Variants in KCNIP1 observed in about 807,000 individuals in gnomAD.
KCNIP1 encodes the protein potassium voltage-gated channel interacting protein 1, also known as A-type potassium channel modulatory protein KCNIP1.
A neutral mutation model predicts 33.0 loss-of-function variants in KCNIP1; 18 were observed. That is an observed-to-expected ratio of 0.55 (90% CI 0.38 to 0.81). The LOEUF is 0.81. Among genes scored for constraint, KCNIP1 ranks in the 30% least tolerant of loss-of-function variants. The pLI, the probability that KCNIP1 is intolerant of heterozygous loss-of-function variation, is 0.00. For missense variants in KCNIP1, 238 were observed against 271.6 expected, an observed-to-expected ratio of 0.88 and a Z score of 0.87; for synonymous variants, 93 against 98.3, an observed-to-expected ratio of 0.95 and a Z score of 0.32.
At chr5:170,493,103 C>T (rs1757241163) in intron 1 of KCNIP1, among the ~76,000 whole-genome samples, 1 of 152,210 alleles carries the variant, frequency 6.6e-6, no homozygotes, top group African/African-American at 2.4e-5. Flanking sequence ...AGGTGCAGGT[C>T]AAATCCCTTA....
At chr5:170,436,233 C>G (rs778792863) in intron 1 of KCNIP1, among the ~76,000 whole-genome samples, 4 of 152,180 alleles carry the variant, frequency 2.6e-5, no homozygotes, top group Admixed American at 1.3e-4. Context: ...GACAGGAGAG[C>G]CATTATGCAA....
intron 1 of KCNIP1, among the ~76,000 whole-genome samples, chr5:170,357,223 G>C (rs896979937): frequency 6.6e-6 from 1 of 152,108 alleles, no homozygotes; most frequent in African/African-American, 2.4e-5. Flanking sequence ...CTGTGGCTCG[G>C]AAGCCTCGGA....
At chr5:170,673,016 G>C (rs541863617) in intron 1 of KCNIP1, among the ~76,000 whole-genome samples, 35 of 152,184 alleles carry the variant, frequency 2.3e-4, no homozygotes, top group Non-Finnish European at 5.1e-4. Flanking sequence ...GATCATCCTG[G>C]ACTATCTATT....
chr5:170,452,188 A>G (rs1756271785), intron 1 of KCNIP1, among the ~76,000 whole-genome samples: 2 of 152,206 alleles, frequency 1.3e-5, no homozygotes, highest in African/African-American at 4.8e-5. Flanking sequence ...TGGTGCTTGC[A>G]TCACCTCTGA....
intron 1 of KCNIP1, among the ~76,000 whole-genome samples, chr5:170,628,017 T>C (rs1312198181): frequency 6.6e-6 from 1 of 152,198 alleles, no homozygotes; most frequent in Non-Finnish European, 1.5e-5. Context: ...ACTGGGAGCC[T>C]GGACCCCTCT....
intron 1 of KCNIP1, among the ~76,000 whole-genome samples, chr5:170,617,389 G>A (rs1169349394): frequency 6.6e-6 from 1 of 151,746 alleles, no homozygotes; most frequent in Non-Finnish European, 1.5e-5. Flanking sequence ...CCACTGTCAG[G>A]TTTTGACCCC....
At chr5:170,622,144 T>C (rs760925423) in intron 1 of KCNIP1, among the ~76,000 whole-genome samples, 20 of 152,218 alleles carry the variant, frequency 1.3e-4, no homozygotes, top group Admixed American at 2.6e-4. Flanking sequence ...GTGTTCTCAA[T>C]CAAGATTCCG....
chr5:170,584,808 T>A lies in KCNIP1; in HGVS notation c.61+80175T>A, dbSNP rs188380581. 2.2e-4 allele frequency among the ~76,000 whole-genome samples: 33 copies of A among 152,246 alleles called. No individual in the cohort carries two copies. In the East Asian group the frequency reaches 3.3e-3, roughly 15 times the overall value. On this transcript the variant is annotated intron_variant, in intron 1 of 7. Coordinates refer to ENST00000328939, the MANE Select transcript of KCNIP1 (RefSeq NM_014592.4). ...GTGGCAATAGAGGAATCCGTGTGCT[T>A]TATTTCTCCTGCTCCACATTCCTCC...
Position 170,458,300 on chromosome 5 carries a change from C to T in KCNIP1, c.88+104336C>T, listed in dbSNP as rs114578338. On this transcript the variant is annotated intron_variant, in intron 1 of 7. Transcript: ENST00000377360. ...GGGGGAATAATCAAGGAAAACTCCCCCAGCCTTGCTAGAGCCCTAGACATC... is the reference window on the plus strand; with the variant it reads ...GGGGGAATAATCAAGGAAAACTCCCTCAGCCTTGCTAGAGCCCTAGACATC... Among the ~76,000 whole-genome samples the T allele has an allele frequency of 9.0e-4, 137 of 152,282 alleles. 1 individual carries two copies. The highest frequency in any genetic ancestry group is 3.1e-3 in the African/African-American group (130 of 41,556).
Position 170,446,807 on chromosome 5 carries a change from T to C in KCNIP1, c.88+92843T>C, listed in dbSNP as rs117024012. 7.6e-4 allele frequency among the ~76,000 whole-genome samples: 116 copies of C among 152,144 alleles called. 3 individuals carry two copies. The East Asian group carries it at 0.019, about 25-fold the overall frequency. ...AGGCAGGACCTGCCACATGTCCAAA[T>C]CTCCATCTGTCCCCAGCACTCTACT... On this transcript the variant is annotated intron_variant, in intron 1 of 7. Transcript: ENST00000377360.
At chr5:170,512,745 G>A (rs2113271656) in intron 1 of KCNIP1, among the ~76,000 whole-genome samples, 1 of 152,290 alleles carries the variant, frequency 6.6e-6, no homozygotes, top group South Asian at 2.1e-4. Context: ...TCAGTTGGGA[G>A]CTTGTTAGAA....
Position 170,474,743 on chromosome 5 carries a change from T to C in KCNIP1, c.88+120779T>C, listed in dbSNP as rs144710355. ...AATGCTGCGAGTGGAACCCAGGTGTTGTGTCCGTGGGTCTGTGGTCTCGCT... is the reference window on the plus strand; with the variant it reads ...AATGCTGCGAGTGGAACCCAGGTGTCGTGTCCGTGGGTCTGTGGTCTCGCT... On this transcript the variant is annotated intron_variant, in intron 1 of 7. Transcript: ENST00000377360. Among the ~76,000 whole-genome samples, 683 of 152,286 alleles carry C rather than the reference T, an allele frequency of 4.5e-3. 3 individuals carry two copies. Among genetic ancestry groups the C allele is most frequent in the Middle Eastern group, 0.014 (4 of 294 alleles).
chr5:170,642,268 C>G (rs1054232828), intron 1 of KCNIP1: 1 of 152,578 alleles, frequency 6.6e-6, no homozygotes, highest in Non-Finnish European at 1.5e-5. Flanking sequence ...CCTGCCTCCT[C>G]AGTGCTGCAT....
intron 1 of KCNIP1, among the ~76,000 whole-genome samples, chr5:170,633,088 C>T (rs1581423303): frequency 6.6e-6 from 1 of 152,060 alleles, no homozygotes; most frequent in South Asian, 2.1e-4. Flanking sequence ...AGGGGGAGAG[C>T]AGAGGGAAGG....
At chr5:170,421,207 G>A (rs1755481922) in intron 1 of KCNIP1, among the ~76,000 whole-genome samples, 1 of 152,130 alleles carries the variant, frequency 6.6e-6, no homozygotes, top group Non-Finnish European at 1.5e-5. Flanking sequence ...GCAAACCTTG[G>A]CCGTGGTGCA....
intron 1 of KCNIP1, among the ~76,000 whole-genome samples, chr5:170,608,525 A>C (rs1429444294): frequency 6.6e-6 from 1 of 152,224 alleles, no homozygotes; most frequent in Non-Finnish European, 1.5e-5. Flanking sequence ...TAATCCCAGC[A>C]CTTTGGGAGG....
intron 1 of KCNIP1, among the ~76,000 whole-genome samples, chr5:170,359,888 C>T (rs1181606062): frequency 6.6e-6 from 1 of 152,248 alleles, no homozygotes; most frequent in Middle Eastern, 3.2e-3. Context: ...GCCTCCGGGT[C>T]TTTCTCCTAG....
intron 1 of KCNIP1, among the ~76,000 whole-genome samples, chr5:170,418,157 G>A (rs757584528): frequency 6.6e-5 from 10 of 152,104 alleles, no homozygotes; most frequent in East Asian, 1.9e-4. Context: ...CCGGCTGGGC[G>A]CAGTGGCTCA....
chr5:170,566,196 G>A (rs1423558768), intron 1 of KCNIP1, among the ~76,000 whole-genome samples: 3 of 152,140 alleles, frequency 2.0e-5, no homozygotes, highest in Non-Finnish European at 4.4e-5. Flanking sequence ...GAGTAGCTGG[G>A]ATTACAGGCA....
Sources: gnomAD v4.1 joint callset for allele counts (sites outside exome capture counted in the v4.1 genomes callset) on GRCh38, gnomAD v4.1.1 for gene constraint, MANE v1.5 for transcripts, NCBI Gene and HGNC (gene_info 2026-07-23, HGNC 2026-07-21) for gene names.